The following SELENOI variants were observed in gnomAD, a reference collection of about 807,000 sequenced individuals.
The protein encoded by SELENOI is ethanolaminephosphotransferase 1.
In SELENOI, 24 loss-of-function variants were observed where a neutral mutation model predicts 50.7. The ratio of observed to expected loss-of-function variants is 0.47; its 90% CI spans 0.34 to 0.67. The LOEUF (loss-of-function observed/expected upper bound fraction) is 0.67. Among genes scored for constraint, SELENOI ranks in the 30% least tolerant of loss-of-function variants. The pLI is 0.01. For missense variants in SELENOI, 352 were observed against 461.4 expected (o/e 0.76, Z 2.17); for synonymous variants, 155 against 170.2 (o/e 0.91, Z 0.70).
chr2:26,347,308 C>CTAAT (rs548764264), intron 1 of SELENOI, among the ~76,000 whole-genome samples: 15 of 152,214 alleles, frequency 9.9e-5, no homozygotes, highest in African/African-American at 3.6e-4. Flanking sequence ...ATGCCCAACT[C>CTAAT]ATTAGAGTTT....
At chr2:26,351,301 G>A (rs543436565) in intron 1 of SELENOI, among the ~76,000 whole-genome samples, 10 of 152,140 alleles carry the variant, frequency 6.6e-5, no homozygotes, top group South Asian at 2.1e-4. Flanking sequence ...CAGGTGATCC[G>A]CCTGCCTTGG....
rs1677944257 is a variant in SELENOI at position 26,390,668 on chromosome 2, G to A, written c.*1565G>A. ...GGTTCTATACTCATTTTAAGAAATT[G>A]TAAAGGTTGAGGTGTATTTGGTGAC... On this transcript the variant is annotated 3_prime_UTR_variant, in exon 10 of 10. Transcript: ENST00000260585. 6.6e-6 allele frequency: 1 copy of A among 152,220 alleles called. No individual in the cohort carries two copies. Among genetic ancestry groups the A allele is most frequent in the Non-Finnish European group, 1.5e-5 (1 of 68,030 alleles). 9.4% of individuals were successfully genotyped at this position (152,220 alleles called of 1,614,324 possible). A position where few individuals can be genotyped will look rare whatever the true frequency, so the allele number is the denominator to read the frequency against.
chr2:26,378,560 A>G (rs991036032), intron 6 of SELENOI, among the ~76,000 whole-genome samples: 5 of 152,136 alleles, frequency 3.3e-5, no homozygotes, highest in African/African-American at 1.2e-4. Flanking sequence ...TGAATCTATT[A>G]TCTGCTTCCA....
chr2:26,380,012 A>G (rs1475492049), intron 6 of SELENOI, among the ~76,000 whole-genome samples: 1 of 152,218 alleles, frequency 6.6e-6, no homozygotes, highest in African/African-American at 2.4e-5. Flanking sequence ...TTATCCCACT[A>G]GGTGTGTCCC....
intron 6 of SELENOI, among the ~76,000 whole-genome samples, chr2:26,375,535 G>A (rs1331194740): frequency 6.6e-6 from 1 of 152,160 alleles, no homozygotes; most frequent in Non-Finnish European, 1.5e-5. Context: ...ATTTTATAAT[G>A]TATCCACTCA....
In SELENOI at chr2:26,351,401, G is replaced by A. The variant is rs139168104; in HGVS notation, c.57+5112G>A. On this transcript the variant is annotated intron_variant, in intron 1 of 9. Transcript: ENST00000260585. ...CATTACTGACTAGGAGCTGTGGCTC[G>A]CTGTGCTGCCCAGAATTTTGAGAGA... Among the ~76,000 whole-genome samples the A allele has an allele frequency of 2.6e-3, 396 of 152,280 alleles. 5 individuals carry two copies. Among genetic ancestry groups the A allele is most frequent in the African/African-American group, 9.1e-3 (377 of 41,550 alleles).
chr2:26,373,840 GACCCTAATGT>G (rs1480963355), intron 5 of SELENOI, among the ~76,000 whole-genome samples: 2 of 152,128 alleles, frequency 1.3e-5, no homozygotes, highest in Non-Finnish European at 2.9e-5. Flanking sequence ...AGAGAGAATA[GACCCTAATGT>G]ACCCATTGCT....
At chr2:26,358,427 C>T (rs1055138979) in intron 1 of SELENOI, among the ~76,000 whole-genome samples, 1 of 152,222 alleles carries the variant, frequency 6.6e-6, no homozygotes, top group Middle Eastern at 3.4e-3. Context: ...CTTTTATAGC[C>T]CAGGCTGGTC....
chr2:26,365,527 G>A (rs1677269546), intron 3 of SELENOI, among the ~76,000 whole-genome samples: 2 of 152,162 alleles, frequency 1.3e-5, no homozygotes, highest in Admixed American at 6.6e-5. Context: ...TTGGGATGAC[G>A]AGGGAATAGT....
intron 6 of SELENOI, among the ~76,000 whole-genome samples, chr2:26,381,598 A>G (rs1168625530): frequency 1.3e-5 from 2 of 152,272 alleles, no homozygotes; most frequent in African/African-American, 2.4e-5. Flanking sequence ...CAGAGCTACA[A>G]GTAATTCTGC....
chr2:26,364,047 G>A (rs1677235090), intron 1 of SELENOI, among the ~76,000 whole-genome samples: 1 of 146,122 alleles, frequency 6.8e-6, no homozygotes, highest in Admixed American at 6.8e-5. Flanking sequence ...CTGGCCTGTA[G>A]TATTTTTGTA....
chr2:26,349,676 T>TC (rs1377673241), intron 1 of SELENOI, among the ~76,000 whole-genome samples: 1 of 150,042 alleles, frequency 6.7e-6, no homozygotes, highest in Non-Finnish European at 1.5e-5. Flanking sequence ...GTTGGTTTTT[T>TC]TTTTTTTTTT....
At chr2:26,353,397 CT>C (rs1676999442) in intron 1 of SELENOI, among the ~76,000 whole-genome samples, 2 of 152,192 alleles carry the variant, frequency 1.3e-5, no homozygotes, top group East Asian at 3.9e-4. Flanking sequence ...AACACTTTTC[CT>C]TTTAGAGCCT....
chr2:26,347,763 G>A (rs1172917335), intron 1 of SELENOI, among the ~76,000 whole-genome samples: 1 of 152,134 alleles, frequency 6.6e-6, no homozygotes, highest in Admixed American at 6.6e-5. Flanking sequence ...ATTTCAATGG[G>A]AGCAGTGTTT....
At chr2:26,381,210 T>TTTTTTTTTTTTTTTTTTTTTTTTTTG (rs1677691949) in intron 6 of SELENOI, among the ~76,000 whole-genome samples, 1 of 137,420 alleles carries the variant, frequency 7.3e-6, no homozygotes, top group African/African-American at 2.8e-5. Context: ...TTTTTTTTTT[T>TTTTTTTTTTTTTTTTTTTTTTTTTTG]TTTTTTTTTT....
In SELENOI at chr2:26,389,665, C is replaced by T. The variant is rs558791831; in HGVS notation, c.*562C>T. 5 of 153,240 alleles carry T rather than the reference C, an allele frequency of 3.3e-5. No homozygotes were observed. The highest frequency in any genetic ancestry group is 1.2e-4 in the African/African-American group (5 of 41,538). 9.5% of individuals were successfully genotyped at this position (153,240 alleles called of 1,614,324 possible). ...TTCTCAAATGATAAGAGAGCTAATA[C>T]ATTTAGCTAATATTCTAGCTCTCTT... On this transcript the variant is annotated 3_prime_UTR_variant, in exon 10 of 10. Coordinates refer to ENST00000260585, the MANE Select transcript of SELENOI (RefSeq NM_033505.4).
chr2:26,375,226 AC>A, intron 6 of SELENOI, 78 bp downstream of exon 6: 1 of 877,664 alleles, frequency 1.1e-6, no homozygotes, highest in South Asian at 1.7e-5. Context: ...ATAACAAGCA[AC>A]AACACCCTTT....
At chr2:26,360,241 G>T (rs1179711343) in intron 1 of SELENOI, among the ~76,000 whole-genome samples, 1 of 152,178 alleles carries the variant, frequency 6.6e-6, no homozygotes, top group Non-Finnish European at 1.5e-5. Flanking sequence ...TTTGTTTATT[G>T]TGAGTGGTAT....
chr2:26,358,129 G>A (rs553040099), intron 1 of SELENOI, among the ~76,000 whole-genome samples: 23 of 152,230 alleles, frequency 1.5e-4, no homozygotes, highest in African/African-American at 5.5e-4. Context: ...TCAGTGGGGC[G>A]CAGTGGCTCA....
Sources: allele counts gnomAD v4.1 joint callset (sites outside exome capture counted in the v4.1 genomes callset), GRCh38; gene constraint gnomAD v4.1.1; transcripts MANE v1.5; gene names NCBI Gene and HGNC (gene_info 2026-07-23, HGNC 2026-07-21).